Variants in CTNNA2 observed in about 807,000 individuals in gnomAD.
CTNNA2 encodes the protein catenin alpha-2.
A neutral mutation model predicts 101.0 loss-of-function variants in CTNNA2; 42 were observed. The observed-to-expected ratio is 0.42, with a 90% CI of 0.32 to 0.54. The LOEUF (loss-of-function observed/expected upper bound fraction) is 0.54, where lower values mean the gene tolerates loss of function less well. Ranked by LOEUF, CTNNA2 falls within the 20% of genes least tolerant of loss-of-function variation. The pLI is 0.14. For missense variants in CTNNA2, 871 were observed against 1,223.1 expected (o/e 0.71, Z 4.29); for synonymous variants, 450 against 456.4 (o/e 0.99, Z 0.18).
intron 7 of CTNNA2, among the ~76,000 whole-genome samples, chr2:80,044,842 T>A (rs1426726154): frequency 1.3e-5 from 2 of 152,178 alleles, no homozygotes; most frequent in African/African-American, 2.4e-5. Context: ...ATGAGATCAG[T>A]GATCTTTACT....
intron 7 of CTNNA2, among the ~76,000 whole-genome samples, chr2:80,355,966 G>T (rs958218436): frequency 2.6e-5 from 4 of 151,338 alleles, no homozygotes; most frequent in African/African-American, 9.8e-5. Flanking sequence ...CCATTTCTTA[G>T]CCTGTCCATT....
At chr2:79,744,656 A>C in intron 3 of CTNNA2, 74 bp downstream of exon 3, 2 of 1,350,872 alleles carry the variant, frequency 1.5e-6, no homozygotes, top group Non-Finnish European at 2.0e-6. Flanking sequence ...TTTAGAATCA[A>C]TGGATATTTA....
intron 4 of CTNNA2, among the ~76,000 whole-genome samples, chr2:79,421,133 T>C (rs943938689): frequency 9.9e-5 from 15 of 152,146 alleles, no homozygotes; most frequent in Non-Finnish European, 1.8e-4. Context: ...CTTTTACCCT[T>C]GGGAATCTTT....
At position 80,275,955 on chromosome 2, in the gene CTNNA2, AT is replaced by A. The variant is rs576782968; in HGVS notation, c.1057-117247del. The stretch of plus-strand genomic sequence containing the variant: ...TCCTTGTTGTGAATTTCATTAGGAG[AT>A]TTTTTTTTATTCCCATCAATGACAT... On this transcript the variant is annotated intron_variant, in intron 7 of 18. Coordinates refer to ENST00000402739, the MANE Select transcript of CTNNA2 (RefSeq NM_001282597.3). Among the ~76,000 whole-genome samples, 9 of 151,620 alleles carry A rather than the reference AT, an allele frequency of 5.9e-5. No homozygotes were observed. The South Asian group carries it at 6.3e-4, about 11-fold the overall frequency.
chr2:79,337,493 A>T (rs1216939117), intron 3 of CTNNA2, among the ~76,000 whole-genome samples: 2 of 152,204 alleles, frequency 1.3e-5, no homozygotes, highest in Non-Finnish European at 2.9e-5. Context: ...GGATGACAGG[A>T]TCATTCATAT....
intron 2 of CTNNA2, among the ~76,000 whole-genome samples, chr2:79,728,519 G>T (rs1351058173): frequency 6.6e-6 from 1 of 152,152 alleles, no homozygotes; most frequent in Non-Finnish European, 1.5e-5. Context: ...CTCCCATTTT[G>T]TAGGTTGCCT....
intron 9 of CTNNA2, among the ~76,000 whole-genome samples, chr2:80,533,371 T>C (rs1218475156): frequency 6.6e-6 from 1 of 152,190 alleles, no homozygotes; most frequent in Non-Finnish European, 1.5e-5. Flanking sequence ...AACTGGGGAC[T>C]CCTGACTGTT....
At chr2:79,361,001 A>T (rs1052422207) in intron 3 of CTNNA2, among the ~76,000 whole-genome samples, 2 of 152,260 alleles carry the variant, frequency 1.3e-5, no homozygotes, top group East Asian at 3.9e-4. Flanking sequence ...AGAAGGTGGG[A>T]GGTCAAGGGT....
chr2:80,470,923 G>A (rs1685249464), intron 9 of CTNNA2, among the ~76,000 whole-genome samples: 1 of 152,178 alleles, frequency 6.6e-6, no homozygotes, highest in Non-Finnish European at 1.5e-5. Context: ...TGACATTTAA[G>A]CAAAGTCCTG....
intron 2 of CTNNA2, among the ~76,000 whole-genome samples, chr2:79,302,128 A>G (rs143687191): frequency 6.6e-6 from 1 of 152,094 alleles, no homozygotes; most frequent in East Asian, 1.9e-4. Flanking sequence ...GTAAATAAAT[A>G]AATAAATAAA....
intron 1 of CTNNA2, among the ~76,000 whole-genome samples, chr2:79,583,116 T>A (rs2103917204): frequency 6.6e-6 from 1 of 152,120 alleles, no homozygotes; most frequent in African/African-American, 2.4e-5. Flanking sequence ...GTTGCCACAG[T>A]TTGTTTATCT....
chr2:80,210,562 C>T (rs953097323), intron 7 of CTNNA2, among the ~76,000 whole-genome samples: 22 of 152,128 alleles, frequency 1.4e-4, no homozygotes, highest in South Asian at 4.1e-4. Context: ...TTTATGGCTG[C>T]GTAGTTTTCC....
intron 7 of CTNNA2, among the ~76,000 whole-genome samples, chr2:80,254,379 C>G (rs1021894621): frequency 1.3e-5 from 2 of 151,970 alleles, no homozygotes; most frequent in African/African-American, 4.8e-5. Context: ...GTTGGGAAGA[C>G]TGTAGAAAAA....
At chr2:80,079,850 A>AATAAAATAAAATAAG (rs1362647868) in intron 7 of CTNNA2, among the ~76,000 whole-genome samples, 7 of 142,030 alleles carry the variant, frequency 4.9e-5, no homozygotes, top group Non-Finnish European at 1.1e-4. Context: ...AATAAAATAA[A>AATAAAATAAAATAAG]ATAAAATAAA....
chr2:80,080,438 G>A (rs1284192824), intron 7 of CTNNA2, among the ~76,000 whole-genome samples: 2 of 152,154 alleles, frequency 1.3e-5, no homozygotes, highest in Non-Finnish European at 2.9e-5. Context: ...GCCTTGACCT[G>A]TACTTTACTA....
chr2:79,972,615 G>A (rs1574443491), intron 7 of CTNNA2, among the ~76,000 whole-genome samples: 1 of 152,156 alleles, frequency 6.6e-6, no homozygotes, highest in South Asian at 2.1e-4. Flanking sequence ...TAGGTTACAA[G>A]TGGAGTAAGA....
chr2:80,420,050 A>C (rs947259622), intron 9 of CTNNA2, among the ~76,000 whole-genome samples: 11 of 148,320 alleles, frequency 7.4e-5, no homozygotes, highest in Non-Finnish European at 1.0e-4. Context: ...AAAAAAAAAA[A>C]AAAAAAAAAA....
At chr2:80,085,980 T>A (rs1699417320) in intron 7 of CTNNA2, among the ~76,000 whole-genome samples, 1 of 152,114 alleles carries the variant, frequency 6.6e-6, no homozygotes, top group Non-Finnish European at 1.5e-5. Flanking sequence ...TATAGCTCTG[T>A]ATTTAGATGT....
intron 7 of CTNNA2, among the ~76,000 whole-genome samples, chr2:80,179,178 C>T (rs373852908): frequency 1.3e-5 from 2 of 152,196 alleles, no homozygotes; most frequent in Admixed American, 6.5e-5. Flanking sequence ...TACCAGTTAC[C>T]AAGAGATGTG....
Sources: gnomAD v4.1 joint callset for allele counts (sites outside exome capture counted in the v4.1 genomes callset) on GRCh38, gnomAD v4.1.1 for gene constraint, MANE v1.5 for transcripts, NCBI Gene and HGNC (gene_info 2026-07-23, HGNC 2026-07-21) for gene names.